SFMBT2: variants seen among roughly 807,000 people sequenced by gnomAD.
SFMBT2 encodes scm-like with four MBT domains protein 2.
A neutral mutation model predicts 110.1 loss-of-function variants in SFMBT2; 38 were observed. The ratio of observed to expected loss-of-function variants is 0.35; its 90% CI spans 0.27 to 0.45. SFMBT2 has a LOEUF of 0.45. Ranked by LOEUF, SFMBT2 falls within the 20% of genes least tolerant of loss-of-function variation. SFMBT2 has a pLI of 1.00. For missense variants in SFMBT2, 1,011 were observed against 1,094.9 expected, an observed-to-expected ratio of 0.92 and a Z score of 1.08; for synonymous variants, 425 against 425.4, an observed-to-expected ratio of 1.00 and a Z score of 0.01.
intron 4 of SFMBT2, among the ~76,000 whole-genome samples, chr10:7,306,043 C>T (rs1025856020): frequency 6.6e-6 from 1 of 152,220 alleles, no homozygotes; most frequent in African/African-American, 2.4e-5. Flanking sequence ...AAAATGGACT[C>T]GTTTTCCAAC....
chr10:7,248,800 G>T, intron 7 of SFMBT2, 151 bp from the exon 8 acceptor site: 1 of 683,218 alleles, frequency 1.5e-6, no homozygotes, highest in Non-Finnish European at 2.4e-6. Flanking sequence ...ATTATTGCCA[G>T]ATACCACGGA....
intron 7 of SFMBT2, among the ~76,000 whole-genome samples, chr10:7,253,385 T>C (rs1267879254): frequency 5.3e-5 from 8 of 152,166 alleles, no homozygotes; most frequent in African/African-American, 9.7e-5. Flanking sequence ...AGCCCTTCAC[T>C]TGTGGGGTCT....
intron 1 of SFMBT2, among the ~76,000 whole-genome samples, chr10:7,389,880 C>G (rs1845720612): frequency 6.6e-6 from 1 of 152,192 alleles, no homozygotes; most frequent in Non-Finnish European, 1.5e-5. Flanking sequence ...CAATAAGCAT[C>G]CTCCCCTCTC....
At chr10:7,243,420 G>T in intron 9 of SFMBT2, 138 bp downstream of exon 9, 1 of 661,440 alleles carries the variant, frequency 1.5e-6, no homozygotes, top group Non-Finnish European at 2.6e-6. Flanking sequence ...ATGTCAAGCT[G>T]ATGAAGAACG....
chr10:7,385,812 A>G (rs956486259), intron 1 of SFMBT2, among the ~76,000 whole-genome samples: 2 of 152,106 alleles, frequency 1.3e-5, no homozygotes, highest in Non-Finnish European at 2.9e-5. Flanking sequence ...ATCCTGGCTA[A>G]CACGGTGAAA....
At chr10:7,401,293 CA>C (rs1366514795) in intron 1 of SFMBT2, among the ~76,000 whole-genome samples, 1 of 152,058 alleles carries the variant, frequency 6.6e-6, no homozygotes, top group Non-Finnish European at 1.5e-5. Context: ...GAGGAAAGAC[CA>C]AACATGTAGG....
chr10:7,378,114 GATGATGGGTGTGAGTGTGGGTGTGAGTGT>G, intron 2 of SFMBT2, among the ~76,000 whole-genome samples: 2 of 149,800 alleles, frequency 1.3e-5, no homozygotes, highest in Non-Finnish European at 3.0e-5. Flanking sequence ...TGGATGGGTG[GATGATGGGTGTGAGTGTGGGTGTGAGTGT>G]ATGGATGGGT....
chr10:7,320,549 GAAGT>G, intron 4 of SFMBT2: 1 of 964,586 alleles, frequency 1.0e-6, no homozygotes, highest in Non-Finnish European at 1.2e-6. Context: ...TTCACTATAG[GAAGT>G]AAGATCAACA....
chr10:7,310,829 T>G (rs113612422), intron 4 of SFMBT2, among the ~76,000 whole-genome samples: 4,099 of 152,196 alleles, frequency 0.027, 198 homozygotes, highest in African/African-American at 0.091. Context: ...GCGGATCGCC[T>G]GAGGTCAGGA....
intron 9 of SFMBT2, among the ~76,000 whole-genome samples, chr10:7,229,297 T>C (rs1269480385): frequency 1.3e-5 from 2 of 152,042 alleles, no homozygotes; most frequent in African/African-American, 4.8e-5. Flanking sequence ...AAACTCAACA[T>C]AGGCCGGGCG....
At chr10:7,242,521 T>C (rs912574329) in intron 9 of SFMBT2, among the ~76,000 whole-genome samples, 1 of 152,242 alleles carries the variant, frequency 6.6e-6, no homozygotes, top group Non-Finnish European at 1.5e-5. Flanking sequence ...AACTGTGTTC[T>C]GTGTAAGTTT....
At chr10:7,341,822 G>A (rs1258355899) in intron 4 of SFMBT2, among the ~76,000 whole-genome samples, 2 of 152,162 alleles carry the variant, frequency 1.3e-5, no homozygotes, top group South Asian at 2.1e-4. Context: ...GGCTGAAGTC[G>A]GGTAACGAGC....
At chr10:7,247,720 A>C (rs1840662716) in intron 8 of SFMBT2, among the ~76,000 whole-genome samples, 2 of 152,360 alleles carry the variant, frequency 1.3e-5, no homozygotes, top group South Asian at 4.1e-4. Flanking sequence ...TGAAGTACAC[A>C]AAAGACCATT....
chr10:7,167,790 G>A (rs1837735285), intron 20 of SFMBT2, among the ~76,000 whole-genome samples: 1 of 152,190 alleles, frequency 6.6e-6, no homozygotes, highest in Non-Finnish European at 1.5e-5. Flanking sequence ...AAATTACACA[G>A]GAATGAGATG....
chr10:7,248,529 G>T lies in SFMBT2; in HGVS notation c.972+19C>A. 2 of 1,604,038 alleles carry T rather than the reference G, an allele frequency of 1.2e-6. No individual in the cohort carries two copies. The highest frequency in any genetic ancestry group is 1.3e-5 in the African/African-American group (1 of 74,858). ...TCCACTCTAGGGGCTGGGTCGAAGA[G>T]CGAGGGAGGAAAACCCACCTTAGTC... On this transcript the variant is annotated intron_variant, in intron 8 of 20. Transcript: ENST00000397167.
At chr10:7,317,130 T>C (rs572119209) in intron 4 of SFMBT2, among the ~76,000 whole-genome samples, 25 of 152,276 alleles carry the variant, frequency 1.6e-4, no homozygotes, top group Admixed American at 1.5e-3. Flanking sequence ...TTTGTCCTCG[T>C]GCCCCCTCCC....
At position 7,308,233 on chromosome 10, in the gene SFMBT2, C is replaced by A. The variant is rs547351848; in HGVS notation, c.437-22279G>T. Among the ~76,000 whole-genome samples, 85 of 152,156 alleles carry A rather than the reference C, an allele frequency of 5.6e-4. 2 individuals are homozygous for A. The South Asian group carries it at 0.017, about 30-fold the overall frequency. On this transcript the variant is annotated intron_variant, in intron 4 of 20. Transcript: ENST00000397167. The stretch of plus-strand genomic sequence containing the variant: ...AATTAGCCAGGCCTGGTGGTACACG[C>A]CTCTAGTCCCAGCTTCTTGAGAGGC...
At chr10:7,223,921 C>A (rs1839826465) in intron 10 of SFMBT2, among the ~76,000 whole-genome samples, 2 of 152,184 alleles carry the variant, frequency 1.3e-5, no homozygotes, top group South Asian at 4.1e-4. Context: ...TTTAAAGGAC[C>A]ACTGCTTTAC....
At chr10:7,315,038 G>GAGAAAGAAAGAAAAGAAAGAAAGAAAGAA (rs1554802843) in intron 4 of SFMBT2, among the ~76,000 whole-genome samples, 12 of 82,252 alleles carry the variant, frequency 1.5e-4, no homozygotes, top group African/African-American at 6.2e-4. Context: ...AAGAAAGAAA[G>GAGAAAGAAAGAAAAGAAAGAAAGAAAGAA]AGAAAGAAAG....
Sources: allele counts gnomAD v4.1 joint callset (sites outside exome capture counted in the v4.1 genomes callset), GRCh38; gene constraint gnomAD v4.1.1; transcripts MANE v1.5; gene names NCBI Gene and HGNC (gene_info 2026-07-23, HGNC 2026-07-21).